AGFG1: variants seen among roughly 807,000 people sequenced by gnomAD.
AGFG1 encodes arf-GAP domain and FG repeat-containing protein 1.
A neutral mutation model predicts 60.6 loss-of-function variants in AGFG1; 10 were observed. That is an observed-to-expected ratio of 0.16 (90% CI 0.10 to 0.28). AGFG1 has a LOEUF of 0.28. AGFG1 is among the 10% of genes least tolerant of loss of function. AGFG1 has a pLI of 1.00. For missense variants in AGFG1, 537 were observed against 676.5 expected, an observed-to-expected ratio of 0.79 and a Z score of 2.29; for synonymous variants, 247 against 242.9, an observed-to-expected ratio of 1.02 and a Z score of -0.16.
intron 2 of AGFG1, chr2:227,508,591 C>T (rs1296326331): frequency 2.1e-6 from 1 of 469,824 alleles, no homozygotes; most frequent in South Asian, 1.6e-5. Context: ...TGAAACCTTG[C>T]ATATCAGATT....
At chr2:227,508,604 T>C (rs1691397083) in intron 2 of AGFG1, 1 of 470,594 alleles carries the variant, frequency 2.1e-6, no homozygotes, top group Non-Finnish European at 4.4e-6. Flanking sequence ...ATCAGATTCA[T>C]AATATCTTTG....
At chr2:227,511,729 T>A (rs1415659714) in intron 2 of AGFG1, among the ~76,000 whole-genome samples, 1 of 152,214 alleles carries the variant, frequency 6.6e-6, no homozygotes, top group Non-Finnish European at 1.5e-5. Flanking sequence ...AAGTGCTTAC[T>A]GTGTGTCAGG....
chr2:227,498,944 T>C (rs928374413), intron 2 of AGFG1, among the ~76,000 whole-genome samples: 5 of 152,232 alleles, frequency 3.3e-5, no homozygotes, highest in African/African-American at 1.2e-4. Flanking sequence ...ATTAAAACAA[T>C]ATAAATCATT....
chr2:227,489,044 A>T (rs549515392), intron 1 of AGFG1, among the ~76,000 whole-genome samples: 5 of 151,888 alleles, frequency 3.3e-5, no homozygotes, highest in African/African-American at 1.2e-4. Context: ...CGAACTCCTG[A>T]CCTCAAGTGA....
At position 227,559,208 on chromosome 2, in the gene AGFG1, A is replaced by G. The variant is rs941883732; in HGVS notation, c.*4713A>G. On this transcript the variant is annotated 3_prime_UTR_variant, in exon 13 of 13. Transcript: ENST00000310078. ...TTTTAAAACGTTGCATTCTGAATCCATCTTTTTGAAATGGGGCATGTACTC... is the reference window on the plus strand; with the variant it reads ...TTTTAAAACGTTGCATTCTGAATCCGTCTTTTTGAAATGGGGCATGTACTC... 4 of 152,292 alleles carry G rather than the reference A, an allele frequency of 2.6e-5. No individual in the cohort carries two copies. Among genetic ancestry groups the G allele is most frequent in the Admixed American group, 2.0e-4 (3 of 15,296 alleles). 9.4% of individuals were successfully genotyped at this position (152,292 alleles called of 1,614,324 possible). A position where few individuals can be genotyped will look rare whatever the true frequency, so the allele number is the denominator to read the frequency against.
intron 2 of AGFG1, among the ~76,000 whole-genome samples, chr2:227,517,305 C>T (rs975703271): frequency 2.0e-5 from 3 of 152,172 alleles, no homozygotes; most frequent in African/African-American, 7.2e-5. Flanking sequence ...CTCACTCTGT[C>T]ATCAGGCTGG....
rs1692218991 is a variant in AGFG1 at position 227,533,435 on chromosome 2, A to C, written c.815-114A>C. 6 of 913,484 alleles carry C rather than the reference A, an allele frequency of 6.6e-6. No homozygotes were observed. In the South Asian group the frequency reaches 1.0e-4, roughly 16 times the overall value. 56.6% of individuals were successfully genotyped at this position (913,484 alleles called of 1,614,324 possible). A position where few individuals can be genotyped will look rare whatever the true frequency, so the allele number is the denominator to read the frequency against. On this transcript the variant is annotated intron_variant, in intron 6 of 12. Coordinates refer to ENST00000310078, the MANE Select transcript of AGFG1 (RefSeq NM_004504.5). ...AAGCCATTGCCAGTCATTGATTTTA[A>C]TGTTGTAAGATTGCTTATAGGACAT...
At chr2:227,519,806 C>T in intron 2 of AGFG1, 142 bp from the exon 3 acceptor site, 1 of 522,736 alleles carries the variant, frequency 1.9e-6, no homozygotes, top group South Asian at 2.9e-5. Context: ...AATTTAGTTC[C>T]TGTTTATTAG....
At chr2:227,472,616 C>A in intron 1 of AGFG1, 28 bp downstream of exon 1, 1 of 1,523,410 alleles carries the variant, frequency 6.6e-7, no homozygotes. Context: ...GGGCGGGTGT[C>A]GGGCCCTTCC....
At chr2:227,532,159 G>A (rs953387823) in intron 6 of AGFG1, 2 of 1,547,202 alleles carry the variant, frequency 1.3e-6, no homozygotes, top group African/African-American at 1.4e-5. Context: ...CTTTCATCTA[G>A]CTGCAGTTTT....
At chr2:227,488,359 G>A (rs1690701503) in intron 1 of AGFG1, among the ~76,000 whole-genome samples, 1 of 152,204 alleles carries the variant, frequency 6.6e-6, no homozygotes, top group Admixed American at 6.5e-5. Context: ...GTTAGGGTCA[G>A]CTTTATGAAT....
At chr2:227,507,685 T>C (rs1028362163) in intron 2 of AGFG1, among the ~76,000 whole-genome samples, 2 of 151,514 alleles carry the variant, frequency 1.3e-5, no homozygotes, top group Non-Finnish European at 2.9e-5. Flanking sequence ...ATAAAAGTTA[T>C]TTACATTAAG....
chr2:227,476,903 CT>C (rs55837522), intron 1 of AGFG1, among the ~76,000 whole-genome samples: 103,165 of 110,814 alleles, frequency 0.93, 47,799 homozygotes, highest in Middle Eastern at 0.96. Flanking sequence ...CTCTCTCTCT[CT>C]TTTTTTTTTT....
intron 12 of AGFG1, 105 bp from the exon 13 acceptor site, chr2:227,554,331 A>T: frequency 1.1e-6 from 1 of 926,836 alleles, no homozygotes; most frequent in Non-Finnish European, 1.6e-6. Context: ...AATAATTCTT[A>T]ACCAAAAAGT....
chr2:227,476,085 G>A (rs1159205775), intron 1 of AGFG1, among the ~76,000 whole-genome samples: 2 of 151,770 alleles, frequency 1.3e-5, no homozygotes, highest in Non-Finnish European at 2.9e-5. Context: ...TCAGATGACT[G>A]TCCTATATGC....
At position 227,547,136 on chromosome 2, in the gene AGFG1, A is replaced by G. The variant is rs189320256; in HGVS notation, c.1379-4823A>G. Among the ~76,000 whole-genome samples, 918 of 152,338 alleles carry G rather than the reference A, an allele frequency of 6.0e-3. 36 individuals carry two copies. Among genetic ancestry groups the G allele is most frequent in the Non-Finnish European group, 1.1e-3 (75 of 68,028 alleles). On this transcript the variant is annotated intron_variant, in intron 10 of 12. Transcript: ENST00000310078. Reference sequence around the variant, plus strand: ...TTTCACATTGATGAAACATACACAAATTAACATTATGCACTATTCCTTATA... The same window carrying G: ...TTTCACATTGATGAAACATACACAAGTTAACATTATGCACTATTCCTTATA...
At chr2:227,505,351 C>T (rs1192492370) in intron 2 of AGFG1, among the ~76,000 whole-genome samples, 1 of 152,126 alleles carries the variant, frequency 6.6e-6, no homozygotes, top group Non-Finnish European at 1.5e-5. Context: ...TGAATCTGTA[C>T]ATTTTTCATT....
At chr2:227,540,854 T>A (rs564622625) in intron 10 of AGFG1, among the ~76,000 whole-genome samples, 1 of 152,268 alleles carries the variant, frequency 6.6e-6, no homozygotes, top group East Asian at 1.9e-4. Context: ...CTCTCCAGCA[T>A]CTGTTGTTTC....
chr2:227,492,198 C>T (rs1690839951), intron 2 of AGFG1, among the ~76,000 whole-genome samples: 1 of 151,596 alleles, frequency 6.6e-6, no homozygotes, highest in Non-Finnish European at 1.5e-5. Flanking sequence ...TAATGGGCTT[C>T]CAGTAATTCT....
Sources: gnomAD v4.1 joint callset for allele counts (sites outside exome capture counted in the v4.1 genomes callset) on GRCh38, gnomAD v4.1.1 for gene constraint, MANE v1.5 for transcripts, NCBI Gene and HGNC (gene_info 2026-07-23, HGNC 2026-07-21) for gene names.